Variants in RPS6KB1 observed in about 807,000 individuals in gnomAD.
RPS6KB1 encodes ribosomal protein S6 kinase beta-1.
RPS6KB1 carries 12 observed loss-of-function variants against 70.2 expected under a neutral mutation model. That is an observed-to-expected ratio of 0.17 (90% confidence interval 0.11 to 0.28). The LOEUF is 0.28. Ranked by LOEUF, RPS6KB1 falls within the 10% of genes least tolerant of loss-of-function variation. RPS6KB1 has a pLI of 1.00. For missense variants in RPS6KB1, 270 were observed against 646.6 expected, an observed-to-expected ratio of 0.42 and a Z score of 6.32; for synonymous variants, 175 against 211.2, an observed-to-expected ratio of 0.83 and a Z score of 1.49.
intron 5 of RPS6KB1, 40 bp downstream of exon 5, chr17:59,926,622 C>G: frequency 2.0e-6 from 3 of 1,481,852 alleles, no homozygotes; most frequent in Non-Finnish European, 2.8e-6. Flanking sequence ...TGCATTTGCT[C>G]CAGAAACTGG....
rs558534191 is a variant in RPS6KB1 at position 59,930,603 on chromosome 17, A to G, written c.587+429A>G. Among the ~76,000 whole-genome samples, 614 of 152,262 alleles carry G rather than the reference A, an allele frequency of 4.0e-3. 2 individuals are homozygous for G. The highest frequency in any genetic ancestry group is 0.01 in the Middle Eastern group (3 of 292). On this transcript the variant is annotated intron_variant, in intron 6 of 14. Coordinates refer to ENST00000225577, the MANE Select transcript of RPS6KB1 (RefSeq NM_003161.4). ...CATATCATCTGTAGATTGATTATGTAGTCAGGGTGGGATTTACCCTCCTAT... is the reference window on the plus strand; with the variant it reads ...CATATCATCTGTAGATTGATTATGTGGTCAGGGTGGGATTTACCCTCCTAT...
chr17:59,893,194 CGAA>C lies in RPS6KB1; in HGVS notation c.12_14del (p.Arg7del). 6.2e-7 allele frequency: 1 copy of C among 1,600,024 alleles called. No individual in the cohort carries two copies. Among genetic ancestry groups the C allele is most frequent in the Non-Finnish European group, 8.5e-7 (1 of 1,174,240 alleles). ...CGGCGGGTCCGGGCCCATGAGGCGA[CGAA>C]GGAGGCGGGACGGCTTTTACCCAGC... On this transcript the variant is annotated inframe_deletion, in exon 1 of 15. Transcript: ENST00000225577. This position sits in a 1 kb window ranked among gnomAD's most constrained non-coding sequence, Gnocchi z 4.1.
chr17:59,902,531 A>G (rs2042017790), intron 1 of RPS6KB1, among the ~76,000 whole-genome samples: 1 of 148,522 alleles, frequency 6.7e-6, no homozygotes, highest in Admixed American at 6.7e-5. Flanking sequence ...CATTTGAGTT[A>G]TTCATTCAGA....
At chr17:59,901,203 ACAGTG>A (rs1568380654) in intron 1 of RPS6KB1, among the ~76,000 whole-genome samples, 1 of 150,070 alleles carries the variant, frequency 6.7e-6, no homozygotes, top group African/African-American at 2.4e-5. Context: ...AGGCTGGAGT[ACAGTG>A]GCGCGATCTC....
intron 6 of RPS6KB1, 94 bp from the exon 7 acceptor site, chr17:59,931,528 A>G (rs774203660): frequency 1.2e-5 from 11 of 930,544 alleles, no homozygotes; most frequent in Non-Finnish European, 1.9e-5. Flanking sequence ...TCTTTGGTGC[A>G]TGTCTGTTTC....
intron 1 of RPS6KB1, among the ~76,000 whole-genome samples, chr17:59,901,647 G>GA (rs2041958658): frequency 1.8e-5 from 2 of 112,942 alleles, no homozygotes; most frequent in Non-Finnish European, 1.8e-5. Flanking sequence ...AAAAAAAAAA[G>GA]AAAAAAAAAG....
At chr17:59,929,862 G>A (rs1034553247) in intron 5 of RPS6KB1, among the ~76,000 whole-genome samples, 8 of 152,086 alleles carry the variant, frequency 5.3e-5, no homozygotes, top group African/African-American at 1.9e-4. Flanking sequence ...TTTAAAGTTT[G>A]TAGATATAAA....
chr17:59,915,349 G>C (rs1311251394), intron 4 of RPS6KB1, among the ~76,000 whole-genome samples: 1 of 152,040 alleles, frequency 6.6e-6, no homozygotes, highest in African/African-American at 2.4e-5. Flanking sequence ...TTTCATTACT[G>C]TTATTCCTAT....
intron 1 of RPS6KB1, among the ~76,000 whole-genome samples, chr17:59,909,139 G>A (rs1331856223): frequency 4.1e-5 from 6 of 145,446 alleles, no homozygotes; most frequent in Non-Finnish European, 9.0e-5. Flanking sequence ...TATTGGTAAG[G>A]CTGGTCTCGA....
rs2044122575 is a variant in RPS6KB1, at chr17:59,934,469, G to A, written c.815G>A (p.Arg272His). The change falls in exon 9 of 15, where the codon CGT (arginine) becomes CAT (histidine). Residue 272 changes from arginine (R) to histidine (H), a missense_variant. Physicochemically the swap from Arg to His is conservative, Grantham distance 29. Transcript: ENST00000225577. The surrounding 1 kb of genome is among the most constrained non-coding windows in gnomAD (Gnocchi z 4.8). ...ATCTTGATGAGAAGTGGCCACAATC[G>A]TGCTGTGGATTGGTGGAGTTTGGGA... ...PEILMRSGHN[R>H]AVDWWSLGAL... The A allele has an allele frequency of 6.2e-7, 1 of 1,613,826 alleles. No homozygotes were observed. The highest frequency in any genetic ancestry group is 8.5e-7 in the Non-Finnish European group (1 of 1,179,788).
chr17:59,900,386 A>G (rs2041861262), intron 1 of RPS6KB1, among the ~76,000 whole-genome samples: 1 of 151,156 alleles, frequency 6.6e-6, no homozygotes, highest in African/African-American at 2.4e-5. Flanking sequence ...TTTTTTTGAG[A>G]TGGAGTCTCA....
intron 1 of RPS6KB1, among the ~76,000 whole-genome samples, chr17:59,906,311 T>C (rs906594883): frequency 1.3e-5 from 2 of 152,182 alleles, no homozygotes; most frequent in Non-Finnish European, 2.9e-5. Context: ...TCCACCTTTG[T>C]TCTTTTTCAA....
intron 4 of RPS6KB1, among the ~76,000 whole-genome samples, chr17:59,918,210 G>T (rs949334563): frequency 1.3e-5 from 2 of 152,192 alleles, no homozygotes; most frequent in African/African-American, 4.8e-5. Flanking sequence ...GGGATTACAG[G>T]CGTAAGCCAC....
At position 59,934,604 on chromosome 17, in the gene RPS6KB1, G is replaced by A; in HGVS notation, c.870+80G>A. ...GCAAGAGACCTGTCCTGTGCTTTCT[G>A]AACATGTTACCAGTGGAGTTTTCAA... is the stretch of plus-strand genomic sequence containing the variant. On this transcript the variant is annotated intron_variant, in intron 9 of 14. Coordinates refer to ENST00000225577, the MANE Select transcript of RPS6KB1 (RefSeq NM_003161.4). The surrounding 1 kb of genome is among the most constrained non-coding windows in gnomAD (Gnocchi z 4.8). The A allele has an allele frequency of 9.4e-7, 1 of 1,060,390 alleles. No individual in the cohort carries two copies. The highest frequency in any genetic ancestry group is 2.1e-5 in the Admixed American group (1 of 46,692). 65.7% of individuals were successfully genotyped at this position (1,060,390 alleles called of 1,614,324 possible).
At chr17:59,902,144 AC>A (rs1568384498) in intron 1 of RPS6KB1, among the ~76,000 whole-genome samples, 1 of 119,152 alleles carries the variant, frequency 8.4e-6, no homozygotes, top group East Asian at 2.5e-4. Context: ...TCACTCTATC[AC>A]CTAGGCTGGA....
In RPS6KB1 at chr17:59,893,391, C is replaced by A; in HGVS notation, c.141+66C>A. On this transcript the variant is annotated intron_variant, in intron 1 of 14. Coordinates refer to ENST00000225577, the MANE Select transcript of RPS6KB1 (RefSeq NM_003161.4). The surrounding 1 kb of genome is among the most constrained non-coding windows in gnomAD (Gnocchi z 4.1). Reference sequence around the variant, plus strand: ...GGGGCGGCGGCGCGGGCTCAGGAAGCGCGGTGTGTCCTAGAGCGTGGAGAC... The same window carrying A: ...GGGGCGGCGGCGCGGGCTCAGGAAGAGCGGTGTGTCCTAGAGCGTGGAGAC... The A allele has an allele frequency of 6.7e-7, 1 of 1,497,322 alleles. No individual in the cohort carries two copies. Among genetic ancestry groups the A allele is most frequent in the Non-Finnish European group, 9.1e-7 (1 of 1,099,920 alleles). 92.8% of individuals were successfully genotyped at this position (1,497,322 alleles called of 1,614,324 possible).
At chr17:59,897,964 C>CA (rs1469872753) in intron 1 of RPS6KB1, among the ~76,000 whole-genome samples, 6,261 of 76,010 alleles carry the variant, frequency 0.082, 421 homozygotes, top group African/African-American at 0.23. Context: ...GATTCCGTCT[C>CA]AAAAAAAAAA....
In RPS6KB1 at chr17:59,893,419, A is replaced by T. The variant is rs531598904; in HGVS notation, c.141+94A>T. ...GGTGTGTCCTAGAGCGTGGAGACCCAGGGGGGCTCCTGAGGAGCTGAGGGT... is the reference window on the plus strand; with the variant it reads ...GGTGTGTCCTAGAGCGTGGAGACCCTGGGGGGCTCCTGAGGAGCTGAGGGT... On this transcript the variant is annotated intron_variant, in intron 1 of 14. Coordinates refer to ENST00000225577, the MANE Select transcript of RPS6KB1 (RefSeq NM_003161.4). The surrounding 1 kb of genome is among the most constrained non-coding windows in gnomAD (Gnocchi z 4.1). 3.9e-4 allele frequency: 505 copies of T among 1,300,418 alleles called. No individual in the cohort carries two copies. The highest frequency in any genetic ancestry group is 5.0e-4 in the Non-Finnish European group (467 of 938,542). 80.6% of individuals were successfully genotyped at this position (1,300,418 alleles called of 1,614,324 possible). A position where few individuals can be genotyped will look rare whatever the true frequency, so the allele number is the denominator to read the frequency against.
chr17:59,930,042 C>T, intron 5 of RPS6KB1, 75 bp from the exon 6 acceptor site: 1 of 807,532 alleles, frequency 1.2e-6, no homozygotes, highest in East Asian at 2.5e-5. Context: ...AGAAGGAAAG[C>T]ACAAACTCTC....
Sources: gnomAD v4.1 joint callset for allele counts (sites outside exome capture counted in the v4.1 genomes callset) on GRCh38, gnomAD v4.1.1 for gene constraint, Gnocchi (gnomAD v3.1) non-coding constraint, MANE v1.5 for transcripts, NCBI Gene and HGNC (gene_info 2026-07-23, HGNC 2026-07-21) for gene names.